The following COL22A1 variants were observed in gnomAD, a reference collection of about 807,000 sequenced individuals.
COL22A1 encodes collagen type XXII alpha 1 chain.
Under a neutral mutation model 248.9 loss-of-function variants are expected in COL22A1, and 221 were observed. That is an observed-to-expected ratio of 0.89 (90% CI 0.80 to 0.99). COL22A1 has a LOEUF of 0.99. Among genes scored for constraint, COL22A1 ranks in the 50% least tolerant of loss-of-function variants. The probability of loss-of-function intolerance (pLI) is 0.00; values close to 1 mark genes in which losing one functional copy is unlikely to be tolerated. For synonymous variants in COL22A1, 891 were observed against 793.4 expected (o/e 1.12, Z -2.07); for missense variants, 2,240 against 2,179.0 (o/e 1.03, Z -0.56).
intron 1 of COL22A1, among the ~76,000 whole-genome samples, chr8:138,889,652 G>A (rs779640993): frequency 3.9e-5 from 6 of 152,078 alleles, no homozygotes; most frequent in Admixed American, 1.3e-4. Context: ...AGCATGGCAC[G>A]TATACATATG....
chr8:138,716,277 G>A lies in COL22A1; in HGVS notation c.2413C>T (p.Leu805Phe), dbSNP rs1205991430. The A allele has an allele frequency of 1.3e-6, 2 of 1,590,974 alleles. No homozygotes were observed. Among genetic ancestry groups the A allele is most frequent in the South Asian group, 2.3e-5 (2 of 87,322 alleles). Residue 805 changes from leucine to phenylalanine, a missense_variant, in exon 29 of 65, where the codon CTC becomes TTC. Transcript: ENST00000303045. The stretch of plus-strand genomic sequence containing the variant: ...CCTGGGAAGCCTGGAGCCCCTGGGA[G>A]GCCTGCTTCTCCCTGTGAGAACAAA... ...GRPGEKGEAG[L>F]PGAPGFPGVR...
chr8:138,601,847 T>A (rs368309651), intron 60 of COL22A1, among the ~76,000 whole-genome samples: 19 of 152,186 alleles, frequency 1.2e-4, no homozygotes, highest in African/African-American at 4.6e-4. Flanking sequence ...TCTCTAATTG[T>A]GATGATTTTA....
At chr8:138,726,798 G>A (rs933599479) in intron 23 of COL22A1, among the ~76,000 whole-genome samples, 1 of 152,234 alleles carries the variant, frequency 6.6e-6, no homozygotes, top group African/African-American at 2.4e-5. Context: ...AGGGCAGATG[G>A]AGGCTGAGCC....
intron 30 of COL22A1, among the ~76,000 whole-genome samples, chr8:138,710,953 A>G (rs555723977): frequency 6.6e-6 from 1 of 152,300 alleles, no homozygotes; most frequent in Non-Finnish European, 1.5e-5. Flanking sequence ...AATGGGTATC[A>G]ATGAGAAGAG....
At chr8:138,709,719 T>G (rs1205719603) in intron 30 of COL22A1, among the ~76,000 whole-genome samples, 1 of 152,152 alleles carries the variant, frequency 6.6e-6, no homozygotes, top group Non-Finnish European at 1.5e-5. Context: ...CACACCAACA[T>G]GGCACATGTA....
chr8:138,690,847 CG>C lies in COL22A1; in HGVS notation c.2781del (p.Gly928ValfsTer74), dbSNP rs757423989. On this transcript the variant is annotated frameshift_variant, in exon 36 of 65. Coordinates refer to ENST00000303045, the MANE Select transcript of COL22A1 (RefSeq NM_152888.3). LOFTEE classifies it high-confidence loss of function. ...ACACTTCCTGGAGGGCCACTGGGAC[CG>C]GGGGCACCGACATGTCCGGGAGCAC... is the stretch of plus-strand genomic sequence containing the variant. The part of the protein sequence containing the change: ...NPGAPGHVGA[P>X]GPSGPPGSVG... The C allele has an allele frequency of 6.2e-7, 1 of 1,610,126 alleles. No homozygotes were observed. Among genetic ancestry groups the C allele is most frequent in the South Asian group, 1.1e-5 (1 of 90,154 alleles).
chr8:138,678,522 C>T (rs186497883), intron 40 of COL22A1, among the ~76,000 whole-genome samples: 3 of 152,048 alleles, frequency 2.0e-5, no homozygotes, highest in Admixed American at 6.6e-5. Flanking sequence ...CAAGATACTT[C>T]GGATCCCTAG....
intron 3 of COL22A1, among the ~76,000 whole-genome samples, chr8:138,865,813 G>T (rs1822839420): frequency 1.3e-5 from 2 of 150,686 alleles, no homozygotes; most frequent in Non-Finnish European, 2.9e-5. Context: ...GTGTATGTTT[G>T]TATGCCTGTG....
chr8:138,852,262 C>G (rs1414330175), intron 3 of COL22A1, among the ~76,000 whole-genome samples: 3 of 151,840 alleles, frequency 2.0e-5, no homozygotes, highest in Non-Finnish European at 4.4e-5. Context: ...CAAAGGCCAG[C>G]CAGGAGGCCA....
intron 12 of COL22A1, among the ~76,000 whole-genome samples, chr8:138,785,472 C>T (rs964600790): frequency 1.3e-5 from 2 of 152,228 alleles, no homozygotes; most frequent in African/African-American, 2.4e-5. Flanking sequence ...CCTCTGAGGG[C>T]ATGCGCTAGA....
intron 30 of COL22A1, among the ~76,000 whole-genome samples, chr8:138,708,165 T>G (rs1828637509): frequency 6.6e-6 from 1 of 152,212 alleles, no homozygotes; most frequent in Non-Finnish European, 1.5e-5. Flanking sequence ...GAACATTCCA[T>G]GCTCATGGAT....
At chr8:138,766,373 G>A (rs1833909798) in intron 16 of COL22A1, among the ~76,000 whole-genome samples, 2 of 152,064 alleles carry the variant, frequency 1.3e-5, no homozygotes. Context: ...TGGATGCGTG[G>A]TCATTAGCAG....
chr8:138,700,047 C>A (rs376250718), intron 32 of COL22A1, 65 bp downstream of exon 32: 19 of 1,499,780 alleles, frequency 1.3e-5, no homozygotes, highest in Admixed American at 3.4e-5. Context: ...GGCTCCCAGG[C>A]CACACTGGAC....
At chr8:138,709,478 T>A (rs1243216708) in intron 30 of COL22A1, among the ~76,000 whole-genome samples, 1 of 152,042 alleles carries the variant, frequency 6.6e-6, no homozygotes, top group African/African-American at 2.4e-5. Context: ...TGAGTTCATG[T>A]CCTTTGTAGG....
chr8:138,642,221 G>A (rs1417222430), intron 47 of COL22A1, among the ~76,000 whole-genome samples: 1 of 152,214 alleles, frequency 6.6e-6, no homozygotes, highest in Non-Finnish European at 1.5e-5. Flanking sequence ...ACTGAAGTTG[G>A]ACTACTAGTG....
chr8:138,591,178 A>C (rs1197777620), intron 64 of COL22A1, among the ~76,000 whole-genome samples: 1 of 152,168 alleles, frequency 6.6e-6, no homozygotes, highest in East Asian at 1.9e-4. Flanking sequence ...CATTTCATGA[A>C]ATTTTAAACT....
intron 18 of COL22A1, among the ~76,000 whole-genome samples, chr8:138,758,961 G>T (rs1331242755): frequency 6.6e-6 from 1 of 152,148 alleles, no homozygotes; most frequent in East Asian, 1.9e-4. Flanking sequence ...AGACTTCAAG[G>T]CTCATTCCCT....
chr8:138,641,468 T>C (rs141658923), intron 47 of COL22A1, among the ~76,000 whole-genome samples: 1 of 152,332 alleles, frequency 6.6e-6, no homozygotes, highest in African/African-American at 2.4e-5. Context: ...GTAGAATACA[T>C]GCTCCCAGGG....
intron 12 of COL22A1, among the ~76,000 whole-genome samples, chr8:138,785,117 C>T (rs1409805821): frequency 6.6e-6 from 1 of 152,170 alleles, no homozygotes; most frequent in Non-Finnish European, 1.5e-5. Context: ...ACTTTAGCAT[C>T]CAGCCTTAGC....
Sources: gnomAD v4.1 joint callset for allele counts (sites outside exome capture counted in the v4.1 genomes callset) on GRCh38, gnomAD v4.1.1 for gene constraint, MANE v1.5 for transcripts, NCBI Gene and HGNC (gene_info 2026-07-23, HGNC 2026-07-21) for gene names.